Variants in NTF3 observed in about 807,000 individuals in gnomAD.
The protein encoded by NTF3 is neurotrophin-3.
Under a neutral mutation model 26.3 loss-of-function variants are expected in NTF3, and 8 were observed. The observed-to-expected ratio is 0.30, with a 90% CI of 0.18 to 0.55. NTF3 has a LOEUF of 0.55. Ranked by LOEUF, NTF3 falls within the 20% of genes least tolerant of loss-of-function variation. The pLI is 0.93. For synonymous variants in NTF3, 154 were observed against 145.5 expected, an observed-to-expected ratio of 1.06 and a Z score of -0.42; for missense variants, 276 against 352.9, an observed-to-expected ratio of 0.78 and a Z score of 1.75.
At chr12:5,463,496 G>T (rs1940549050) in intron 1 of NTF3, among the ~76,000 whole-genome samples, 1 of 152,170 alleles carries the variant, frequency 6.6e-6, no homozygotes, top group South Asian at 2.1e-4. Context: ...TTTGAGATCA[G>T]TCCTGCAGCA....
chr12:5,493,754 T>C (rs902665844), intron 1 of NTF3, among the ~76,000 whole-genome samples: 1 of 152,218 alleles, frequency 6.6e-6, no homozygotes, highest in Admixed American at 6.5e-5. Flanking sequence ...TCGAACTCTT[T>C]CTTGAGACAA....
At chr12:5,481,043 C>A (rs1031428786) in intron 1 of NTF3, among the ~76,000 whole-genome samples, 2 of 152,008 alleles carry the variant, frequency 1.3e-5, no homozygotes, top group African/African-American at 2.4e-5. Context: ...GTGTGGGTGG[C>A]GGGGTAGGGA....
chr12:5,469,582 G>A (rs966149339), intron 1 of NTF3, among the ~76,000 whole-genome samples: 1 of 152,160 alleles, frequency 6.6e-6, no homozygotes, highest in African/African-American at 2.4e-5. Context: ...ACATATGGAC[G>A]TAAGAATTCA....
chr12:5,456,677 G>A lies in NTF3; in HGVS notation c.18+24335G>A, dbSNP rs528261461. On this transcript the variant is annotated intron_variant, in intron 1 of 1. Coordinates refer to ENST00000423158, the MANE Select transcript of NTF3 (RefSeq NM_001102654.2). The surrounding 1 kb of genome is among the most constrained non-coding windows in gnomAD (Gnocchi z 4.4). ...GAGCTCTGCTGAGGGTCTGGCTCTG[G>A]GAGGGGAGGTTTGTGTAAGATTCCC... 1.1e-4 allele frequency among the ~76,000 whole-genome samples: 17 copies of A among 152,300 alleles called. No homozygotes were observed. The highest frequency in any genetic ancestry group is 1.6e-4 in the Non-Finnish European group (11 of 68,026).
At chr12:5,493,590 T>A (rs562846287) in intron 1 of NTF3, among the ~76,000 whole-genome samples, 1 of 152,142 alleles carries the variant, frequency 6.6e-6, no homozygotes, top group African/African-American at 2.4e-5. Flanking sequence ...GCGGAGTGGG[T>A]AGTGGCCCTA....
At chr12:5,475,992 A>T (rs1332918629) in intron 1 of NTF3, among the ~76,000 whole-genome samples, 6 of 152,130 alleles carry the variant, frequency 3.9e-5, no homozygotes, top group Admixed American at 2.6e-4. Flanking sequence ...TACACCTGGG[A>T]TGGAGGCCCT....
chr12:5,493,227 C>T (rs529170203), intron 1 of NTF3, among the ~76,000 whole-genome samples: 37 of 152,274 alleles, frequency 2.4e-4, no homozygotes, highest in African/African-American at 8.2e-4. Context: ...AGGACGCCAC[C>T]GGAGTCCGGT....
At chr12:5,481,935 C>G (rs1472433968) in intron 1 of NTF3, among the ~76,000 whole-genome samples, 2 of 151,690 alleles carry the variant, frequency 1.3e-5, no homozygotes, top group Admixed American at 6.6e-5. Context: ...AGACACCACA[C>G]ACACGTAGAT....
At chr12:5,471,505 G>A (rs889568834) in intron 1 of NTF3, among the ~76,000 whole-genome samples, 5 of 152,214 alleles carry the variant, frequency 3.3e-5, no homozygotes, top group Admixed American at 1.3e-4. Context: ...ATTGCTGAGG[G>A]AAGCCAGGCC....
chr12:5,439,129 C>T (rs904176722), intron 1 of NTF3, among the ~76,000 whole-genome samples: 2 of 152,220 alleles, frequency 1.3e-5, no homozygotes, highest in Admixed American at 1.3e-4. Context: ...AATCATTCAG[C>T]TTCCACGTGA....
rs550599490 is a variant in NTF3 at position 5,471,548 on chromosome 12, G to C, written c.19-22646G>C. Among the ~76,000 whole-genome samples the C allele has an allele frequency of 5.9e-5, 9 of 152,238 alleles. No homozygotes were observed. The South Asian group carries it at 1.9e-3, about 32-fold the overall frequency. ...GGAGCGTCTCAGGAGAGGCAGCTTCGGTGCTGGCTGTTTATTGCAGGCATC... is the reference window on the plus strand; with the variant it reads ...GGAGCGTCTCAGGAGAGGCAGCTTCCGTGCTGGCTGTTTATTGCAGGCATC... On this transcript the variant is annotated intron_variant, in intron 1 of 1. Transcript: ENST00000423158.
At chr12:5,455,649 C>G (rs1025905658) in intron 1 of NTF3, among the ~76,000 whole-genome samples, 7 of 152,022 alleles carry the variant, frequency 4.6e-5, no homozygotes, top group Admixed American at 2.0e-4. Flanking sequence ...CACCTGCACC[C>G]TCGACAGTGA....
At position 5,494,765 on chromosome 12, in the gene NTF3, C is replaced by G; in HGVS notation, c.590C>G (p.Ser197Cys). 1 of 1,614,144 alleles carries G rather than the reference C, an allele frequency of 6.2e-7. No homozygotes were observed. Among genetic ancestry groups the G allele is most frequent in the Non-Finnish European group, 8.5e-7 (1 of 1,180,038 alleles). Residue 197 changes from serine (S) to cysteine (C), a missense_variant, in exon 2 of 2, where the codon TCT becomes TGT. Ser to Cys is a moderately radical substitution (Grantham distance 112). Around this residue, in one of 3 missense-constraint regions of NTF3, gnomAD observed 3 missense variants for 16.3 expected, o/e 0.18. Transcript: ENST00000423158. This position sits in a 1 kb window ranked among gnomAD's most constrained non-coding sequence, Gnocchi z 8.3. ...TVLGEIKTGN[S>C]PVKQYFYETR... ...CTGGGGGAGATCAAAACGGGCAACT[C>G]TCCCGTCAAACAATATTTTTATGAA...
chr12:5,446,421 C>T (rs1381204967), intron 1 of NTF3, among the ~76,000 whole-genome samples: 1 of 152,178 alleles, frequency 6.6e-6, no homozygotes, highest in Non-Finnish European at 1.5e-5. Context: ...ACTGATGGCT[C>T]AATGGGAAGG....
chr12:5,450,591 T>G (rs1940360234), intron 1 of NTF3, among the ~76,000 whole-genome samples: 1 of 152,238 alleles, frequency 6.6e-6, no homozygotes, highest in Admixed American at 6.5e-5. Flanking sequence ...TTGGCCTTCT[T>G]CATCTCAAAA....
intron 1 of NTF3, among the ~76,000 whole-genome samples, chr12:5,483,962 C>T (rs116654982): frequency 1.3e-3 from 205 of 152,176 alleles, no homozygotes; most frequent in African/African-American, 4.8e-3. Flanking sequence ...AGTCTGCCTC[C>T]ATGGGCTGAG....
intron 1 of NTF3, among the ~76,000 whole-genome samples, chr12:5,450,705 C>A (rs1940362163): frequency 1.3e-5 from 2 of 152,230 alleles, no homozygotes. Context: ...ATTTTATTAT[C>A]TCATTTTTGC....
At chr12:5,455,661 A>G (rs556211570) in intron 1 of NTF3, among the ~76,000 whole-genome samples, 1 of 152,252 alleles carries the variant, frequency 6.6e-6, no homozygotes, top group East Asian at 1.9e-4. Flanking sequence ...CGACAGTGAG[A>G]GACAAAGTTC....
At chr12:5,441,092 C>T (rs1397868784) in intron 1 of NTF3, among the ~76,000 whole-genome samples, 1 of 152,164 alleles carries the variant, frequency 6.6e-6, no homozygotes, top group African/African-American at 2.4e-5. Flanking sequence ...TAAGCTAAAT[C>T]AGAGAGATCC....
Sources: allele counts gnomAD v4.1 joint callset (sites outside exome capture counted in the v4.1 genomes callset), GRCh38; gene constraint gnomAD v4.1.1; regional missense constraint gnomAD v4.1.1; non-coding constraint Gnocchi (gnomAD v3.1); transcripts MANE v1.5; gene names NCBI Gene and HGNC (gene_info 2026-07-23, HGNC 2026-07-21).